Variants in CADM3 observed in about 807,000 individuals in gnomAD.
CADM3 encodes TSLC1-like 1.
Under a neutral mutation model 44.9 loss-of-function variants are expected in CADM3, and 11 were observed. That is an observed-to-expected ratio of 0.25 (90% CI 0.15 to 0.41). CADM3 has a LOEUF of 0.41. Ranked by LOEUF, CADM3 falls within the 10% of genes least tolerant of loss-of-function variation. CADM3 has a pLI of 1.00. For missense variants in CADM3, 426 were observed against 512.0 expected, an observed-to-expected ratio of 0.83 and a Z score of 1.62; for synonymous variants, 207 against 205.2, an observed-to-expected ratio of 1.01 and a Z score of -0.08.
chr1:159,187,161 A>T (rs897236172), intron 1 of CADM3, among the ~76,000 whole-genome samples: 2 of 152,244 alleles, frequency 1.3e-5, no homozygotes, highest in African/African-American at 2.4e-5. Context: ...ATGCTGTTGG[A>T]CAGAATACAT....
intron 1 of CADM3, among the ~76,000 whole-genome samples, chr1:159,174,238 TTCTA>T (rs1251606572): frequency 6.6e-6 from 1 of 152,240 alleles, no homozygotes; most frequent in African/African-American, 2.4e-5. Context: ...CTTAAATTAA[TTCTA>T]TCTTTTAGTT....
Position 159,171,797 on chromosome 1 carries a change from T to C in CADM3, c.32T>C (p.Leu11Pro). MGAPAASLLL[L>P]LLLFACCWAP... ...GCCCCAGCCGCCTCGCTCCTGCTCC[T>C]GCTCCTGCTGTTCGCCTGCTGCTGG... is the stretch of plus-strand genomic sequence containing the variant. The change falls in exon 1 of 9, where the codon CTG becomes CCG. Residue 11 changes from leucine to proline, a missense_variant. Around this residue, in one of 2 missense-constraint regions of CADM3, gnomAD observed 64 missense variants for 37.4 expected, o/e 1.71. Transcript: ENST00000368125. The C allele has an allele frequency of 8.0e-7, 1 of 1,246,374 alleles. No individual in the cohort carries two copies. The highest frequency in any genetic ancestry group is 1.0e-6 in the Non-Finnish European group (1 of 994,440). The allele number at this position is 1,246,374 out of a possible 1,614,324, so 77.2% of individuals were successfully genotyped here.
At chr1:159,174,049 A>T (rs1648925536) in intron 1 of CADM3, among the ~76,000 whole-genome samples, 1 of 152,178 alleles carries the variant, frequency 6.6e-6, no homozygotes, top group South Asian at 2.1e-4. Context: ...TGAATGGGGA[A>T]TTTCTAGAGA....
intron 7 of CADM3, 118 bp from the exon 8 acceptor site, chr1:159,199,633 C>T: frequency 1.5e-6 from 2 of 1,318,150 alleles, no homozygotes; most frequent in Admixed American, 1.7e-5. Context: ...GACACTGCTC[C>T]ATTTTCCTGA....
intron 7 of CADM3, among the ~76,000 whole-genome samples, chr1:159,198,434 T>A (rs1650000068): frequency 6.6e-6 from 1 of 152,092 alleles, no homozygotes; most frequent in Admixed American, 6.5e-5. Context: ...TCCTCCAAGT[T>A]ACACCATCAC....
intron 7 of CADM3, 55 bp from the exon 8 acceptor site, chr1:159,199,696 C>G: frequency 6.2e-7 from 1 of 1,613,334 alleles, no homozygotes. Flanking sequence ...AGTTGGAATG[C>G]TATAAGATAA....
intron 3 of CADM3, 134 bp downstream of exon 3, chr1:159,192,864 G>A: frequency 8.4e-6 from 7 of 836,308 alleles, no homozygotes; most frequent in Non-Finnish European, 1.3e-5. Context: ...TGTTCCCCTG[G>A]CAATGGGATA....
chr1:159,197,241 G>T, intron 7 of CADM3, 181 bp downstream of exon 7: 1 of 578,860 alleles, frequency 1.7e-6, no homozygotes, highest in Non-Finnish European at 3.0e-6. Flanking sequence ...ATGTGTAATG[G>T]CCGCTTAGTG....
At chr1:159,188,924 C>T (rs1649534491) in intron 1 of CADM3, among the ~76,000 whole-genome samples, 1 of 152,068 alleles carries the variant, frequency 6.6e-6, no homozygotes, top group African/African-American at 2.4e-5. Context: ...TTAGGAGCCA[C>T]CTTATAGGAA....
Position 159,196,902 on chromosome 1 carries a change from A to G in CADM3, c.794A>G (p.Tyr265Cys). 6.2e-7 allele frequency: 1 copy of G among 1,613,676 alleles called. No individual in the cohort carries two copies. Among genetic ancestry groups the G allele is most frequent in the Non-Finnish European group, 8.5e-7 (1 of 1,179,906 alleles). Residue 265 changes from tyrosine (Y) to cysteine (C), a missense_variant, in exon 7 of 9, where the codon TAC (tyrosine) becomes TGC (cysteine). By Grantham distance (194) the Tyr-to-Cys change is radical. Around this residue, in one of 2 missense-constraint regions of CADM3, gnomAD observed 362 missense variants for 474.6 expected, o/e 0.76. Transcript: ENST00000368125. ...EGRGNPVPQQ[Y>C]LWEKEGSVPP... ...GTCTGCCTCGACAGCCCCCAGCAGT[A>G]CCTATGGGAGAAGGAGGGCAGTGTG...
chr1:159,192,599 A>T lies in CADM3; in HGVS notation c.251A>T (p.Gln84Leu). The change falls in exon 3 of 9, where the codon CAG (glutamine) becomes CTG (leucine). Residue 84 changes from glutamine (Q) to leucine (L), a missense_variant. By Grantham distance (113) the Gln-to-Leu change is moderately radical. Transcript: ENST00000368125. ...CCAGCCCTTCGAGATAATCGAATTCAGCTGGTTACCTCTACGCCCCACGAG... is the reference window on the plus strand; with the variant it reads ...CCAGCCCTTCGAGATAATCGAATTCTGCTGGTTACCTCTACGCCCCACGAG... ...EKRALRDNRI[Q>L]LVTSTPHELS... 2 of 1,614,096 alleles carry T rather than the reference A, an allele frequency of 1.2e-6. No homozygotes were observed. The highest frequency in any genetic ancestry group is 1.7e-6 in the Non-Finnish European group (2 of 1,180,018).
At position 159,199,879 on chromosome 1, in the gene CADM3, C is replaced by A. The variant is rs557532883; in HGVS notation, c.1078+3C>A. The A allele has an allele frequency of 6.2e-7, 1 of 1,613,622 alleles. No homozygotes were observed. The highest frequency in any genetic ancestry group is 1.1e-5 in the South Asian group (1 of 90,976). ...CCACTACTTGATCCGGCACAAAGGT[C>A]AGAGGCACAAAGAGAGCATCAGCAG... On this transcript the variant is annotated splice_donor_region_variant and intron_variant, in intron 8 of 8. Coordinates refer to ENST00000368125, the MANE Select transcript of CADM3 (RefSeq NM_001127173.3).
At position 159,193,359 on chromosome 1, in the gene CADM3, A is replaced by G. The variant is rs574395614; in HGVS notation, c.383-64A>G. On this transcript the variant is annotated intron_variant, in intron 3 of 8. Transcript: ENST00000368125. ...ACGCAGAGAAGCCATCTCCACAGGG[A>G]GAGCAGAAGTGTGACCCCATGGGGC... The G allele has an allele frequency of 2.0e-3, 3,070 of 1,502,876 alleles. 13 individuals are homozygous for G. Among genetic ancestry groups the G allele is most frequent in the South Asian group, 8.1e-3 (616 of 75,804 alleles). The allele number at this position is 1,502,876 out of a possible 1,614,324, so 93.1% of individuals were successfully genotyped here. A position where few individuals can be genotyped will look rare whatever the true frequency, so the allele number is the denominator to read the frequency against.
intron 1 of CADM3, among the ~76,000 whole-genome samples, chr1:159,180,954 C>T (rs1032838960): frequency 1.3e-5 from 2 of 152,126 alleles, no homozygotes; most frequent in Non-Finnish European, 2.9e-5. Flanking sequence ...TTCATCCATG[C>T]CCTCAGACAG....
chr1:159,176,868 G>A (rs775490648), intron 1 of CADM3, among the ~76,000 whole-genome samples: 17 of 152,126 alleles, frequency 1.1e-4, no homozygotes, highest in East Asian at 1.9e-4. Context: ...CCTTAAGGCC[G>A]TCATCAAATT....
intron 1 of CADM3, among the ~76,000 whole-genome samples, chr1:159,184,603 T>C (rs1649349008): frequency 6.6e-6 from 1 of 152,214 alleles, no homozygotes; most frequent in African/African-American, 2.4e-5. Flanking sequence ...TGTGACCCTG[T>C]TTATGGCTGT....
chr1:159,191,937 C>T lies in CADM3; in HGVS notation c.90C>T (p.Asp30=), dbSNP rs757026090. The T allele has an allele frequency of 4.3e-6, 7 of 1,613,926 alleles. No homozygotes were observed. In the African/African-American group the frequency reaches 6.7e-5, roughly 15 times the overall value. ...APGGANLSQD[D]SQPWTSDETV... The stretch of plus-strand genomic sequence containing the variant: ...ACTAACACTCTTCTACTCCTGCAGA[C>T]AGCCAGCCCTGGACATCTGATGAAA... Residue 30 remains aspartate (D), a splice_region_variant and synonymous_variant, in exon 2 of 9, where the codon GAC becomes GAT. Transcript: ENST00000368125.
chr1:159,198,110 C>T (rs191743513), intron 7 of CADM3: 1 of 152,348 alleles, frequency 6.6e-6, no homozygotes, highest in East Asian at 1.9e-4. Flanking sequence ...GCTTTGTGCT[C>T]AACAGCCAGG....
rs906995276 is a variant in CADM3 at position 159,202,740 on chromosome 1, G to C, written c.*1818G>C. 2 of 152,046 alleles carry C rather than the reference G, an allele frequency of 1.3e-5. No individual in the cohort carries two copies. Among genetic ancestry groups the C allele is most frequent in the African/African-American group, 4.8e-5 (2 of 41,376 alleles). The allele number at this position is 152,046 out of a possible 1,614,324, so 9.4% of individuals were successfully genotyped here. A position where few individuals can be genotyped will look rare whatever the true frequency, so the allele number is the denominator to read the frequency against. On this transcript the variant is annotated 3_prime_UTR_variant, in exon 9 of 9. Transcript: ENST00000368125. ...GGGGCAGCTGCAATCTAGCAGGCCT[G>C]CCCACCCCCTTCAGTTCAGGTAATA...
Sources: gnomAD v4.1 joint callset for allele counts (sites outside exome capture counted in the v4.1 genomes callset) on GRCh38, gnomAD v4.1.1 for gene constraint, gnomAD v4.1.1 regional missense constraint, MANE v1.5 for transcripts, NCBI Gene and HGNC (gene_info 2026-07-23, HGNC 2026-07-21) for gene names.